The following LRRC28 variants were observed in gnomAD, a reference collection of about 807,000 sequenced individuals.
LRRC28 encodes leucine rich repeat containing 28, also known as leucine-rich repeat-containing protein 28.
Under a neutral mutation model 45.7 loss-of-function variants are expected in LRRC28, and 39 were observed. That is an observed-to-expected ratio of 0.85 (90% CI 0.66 to 1.12). The LOEUF (loss-of-function observed/expected upper bound fraction) is 1.12, where lower values mean the gene tolerates loss of function less well. Ranked by LOEUF, LRRC28 falls within the 50% of genes most tolerant of loss-of-function variation. LRRC28 has a pLI of 0.00. For synonymous variants in LRRC28, 206 were observed against 178.8 expected (o/e 1.15, Z -1.22); for missense variants, 435 against 438.5 (o/e 0.99, Z 0.07).
chr15:99,330,779 G>A (rs912151892), intron 5 of LRRC28, among the ~76,000 whole-genome samples: 1 of 151,890 alleles, frequency 6.6e-6, no homozygotes, highest in African/African-American at 2.4e-5. Context: ...TACATATCTT[G>A]TATTTTTTTC....
At chr15:99,357,769 AAC>A (rs112476735) in intron 7 of LRRC28, among the ~76,000 whole-genome samples, 4 of 152,180 alleles carry the variant, frequency 2.6e-5, no homozygotes, top group East Asian at 1.9e-4. Flanking sequence ...ATTAAAGAAA[AAC>A]ACAATTATAT....
intron 5 of LRRC28, among the ~76,000 whole-genome samples, chr15:99,330,635 T>C (rs1009412348): frequency 8.5e-5 from 13 of 152,186 alleles, no homozygotes; most frequent in Non-Finnish European, 1.9e-4. Flanking sequence ...GTGTATTTCT[T>C]ATGGATAGCA....
intron 3 of LRRC28, among the ~76,000 whole-genome samples, chr15:99,277,653 A>G (rs2081654234): frequency 1.3e-5 from 2 of 152,082 alleles, no homozygotes; most frequent in Non-Finnish European, 2.9e-5. Context: ...TGATTTAAAC[A>G]TTTTTTGTGG....
At chr15:99,268,746 T>C (rs1449991597) in intron 2 of LRRC28, among the ~76,000 whole-genome samples, 4 of 152,250 alleles carry the variant, frequency 2.6e-5, no homozygotes, top group African/African-American at 9.6e-5. Context: ...TTGATCTGGC[T>C]TAATGGGAAT....
chr15:99,269,009 T>C (rs992995774), intron 2 of LRRC28, among the ~76,000 whole-genome samples: 3 of 152,354 alleles, frequency 2.0e-5, no homozygotes, highest in African/African-American at 7.2e-5. Context: ...GAAAAATCTT[T>C]TCTTGGCAAT....
chr15:99,336,759 T>TG (rs1420363074), intron 6 of LRRC28, among the ~76,000 whole-genome samples: 3 of 152,198 alleles, frequency 2.0e-5, no homozygotes, highest in African/African-American at 7.2e-5. Flanking sequence ...AGGTCTGTCT[T>TG]GGTGCTGATA....
Position 99,257,251 on chromosome 15 carries a change from A to C in LRRC28, c.168+1126A>C, listed in dbSNP as rs146616461. Among the ~76,000 whole-genome samples the C allele has an allele frequency of 3.4e-4, 52 of 152,316 alleles. 1 individual carries two copies. The highest frequency in any genetic ancestry group is 1.2e-3 in the African/African-American group (48 of 41,578). ...TTATATTTCTGAAATTAGATTTTTC[A>C]GTTTTCCAACTTGGAAAATCTATTT... On this transcript the variant is annotated intron_variant, in intron 2 of 9. Coordinates refer to ENST00000301981, the MANE Select transcript of LRRC28 (RefSeq NM_144598.5).
intron 2 of LRRC28, among the ~76,000 whole-genome samples, chr15:99,271,908 A>G (rs1341189559): frequency 1.3e-5 from 2 of 152,038 alleles, no homozygotes; most frequent in Non-Finnish European, 2.9e-5. Context: ...CAGTGTATCT[A>G]TTTTTCTGTT....
intron 3 of LRRC28, chr15:99,284,730 T>C: frequency 1.9e-6 from 1 of 521,254 alleles, no homozygotes; most frequent in Non-Finnish European, 3.8e-6. Flanking sequence ...GAGCCAGAGC[T>C]TCTGCCACCA....
At chr15:99,302,839 A>T (rs1955033425) in intron 5 of LRRC28, among the ~76,000 whole-genome samples, 1 of 152,208 alleles carries the variant, frequency 6.6e-6, no homozygotes. Flanking sequence ...TTAAATGTAT[A>T]TAACCTCATC....
rs1208265436 is a variant in LRRC28 at position 99,361,345 on chromosome 15, T to G, written c.705T>G (p.Ala235=). The change falls in exon 8 of 10, where the codon GCT becomes GCG. Residue 235 remains alanine (A), a synonymous_variant. Transcript: ENST00000301981. ...NKVIGCSGCG[A]PIQVSEVKLL... is the part of the protein sequence containing the mutation. Reference sequence around the variant, plus strand: ...GTGTGTCTTTCTGCAGCTGTGGTGCTCCCATTCAAGTTTCCGAGGTGAAGC... The same window carrying G: ...GTGTGTCTTTCTGCAGCTGTGGTGCGCCCATTCAAGTTTCCGAGGTGAAGC... 1 of 1,612,428 alleles carries G rather than the reference T, an allele frequency of 6.2e-7. No homozygotes were observed. The highest frequency in any genetic ancestry group is 1.7e-5 in the Admixed American group (1 of 59,724).
intron 5 of LRRC28, among the ~76,000 whole-genome samples, chr15:99,292,458 G>T (rs981350735): frequency 4.1e-5 from 6 of 145,130 alleles, no homozygotes; most frequent in Non-Finnish European, 7.4e-5. Context: ...TCCGCTTCCC[G>T]GGTTCATGCC....
chr15:99,302,497 T>A (rs1955020074), intron 5 of LRRC28, among the ~76,000 whole-genome samples: 2 of 152,188 alleles, frequency 1.3e-5, no homozygotes, highest in South Asian at 4.1e-4. Context: ...CAAGCAATTC[T>A]CCTGCCTCAG....
In LRRC28 at chr15:99,278,871, C is replaced by G. The variant is rs533246689; in HGVS notation, c.209+2255C>G. ...GATTTAACTGAAGAAGGATCTTCCTCTATTCACGTGGTTGTTGTCAGGTTC... is the reference window on the plus strand; with the variant it reads ...GATTTAACTGAAGAAGGATCTTCCTGTATTCACGTGGTTGTTGTCAGGTTC... On this transcript the variant is annotated intron_variant, in intron 3 of 9. Transcript: ENST00000301981. Among the ~76,000 whole-genome samples, 29 of 152,350 alleles carry G rather than the reference C, an allele frequency of 1.9e-4. No homozygotes were observed. In the South Asian group the frequency reaches 6.0e-3, roughly 32 times the overall value.
At chr15:99,334,171 T>C (rs759708998) in intron 6 of LRRC28, 42 bp downstream of exon 6, 20 of 1,605,106 alleles carry the variant, frequency 1.2e-5, no homozygotes, top group Non-Finnish European at 1.3e-5. Context: ...AAGAATAAGA[T>C]GGAAAGCCTT....
In LRRC28 at chr15:99,389,183, G is replaced by A. The variant is rs1958113599; in HGVS notation, c.*3081G>A. 1.3e-5 allele frequency: 2 copies of A among 152,076 alleles called. No homozygotes were observed. The highest frequency in any genetic ancestry group is 2.4e-5 in the African/African-American group (1 of 41,388). 9.4% of individuals were successfully genotyped at this position (152,076 alleles called of 1,614,324 possible). Reference sequence around the variant, plus strand: ...TGAGGTGTACATTAAACATCTTTTGGTCACCGTGCCTCACTAAGACCTTTC... The same window carrying A: ...TGAGGTGTACATTAAACATCTTTTGATCACCGTGCCTCACTAAGACCTTTC... On this transcript the variant is annotated 3_prime_UTR_variant, in exon 10 of 10. Coordinates refer to ENST00000301981, the MANE Select transcript of LRRC28 (RefSeq NM_144598.5).
chr15:99,354,094 A>C (rs985100744), intron 7 of LRRC28: 6 of 152,216 alleles, frequency 3.9e-5, no homozygotes, highest in African/African-American at 1.4e-4. Context: ...GTTTTCTAAT[A>C]GTAGTATTGA....
chr15:99,284,847 T>C (rs116968820), intron 3 of LRRC28: 16,038 of 558,244 alleles, frequency 0.029, 294 homozygotes, highest in Non-Finnish European at 0.041. Context: ...ACCAAATCCA[T>C]TGTAGCCATC....
At chr15:99,352,044 C>T (rs954755657) in intron 6 of LRRC28, among the ~76,000 whole-genome samples, 1 of 152,122 alleles carries the variant, frequency 6.6e-6, no homozygotes, top group Non-Finnish European at 1.5e-5. Flanking sequence ...AAAGGAGGAA[C>T]CCAATCAGAT....
Sources: gnomAD v4.1 joint callset for allele counts (sites outside exome capture counted in the v4.1 genomes callset) on GRCh38, gnomAD v4.1.1 for gene constraint, MANE v1.5 for transcripts, NCBI Gene and HGNC (gene_info 2026-07-23, HGNC 2026-07-21) for gene names.